The following RPTOR variants were observed in gnomAD, a reference collection of about 807,000 sequenced individuals.
RPTOR encodes the protein regulatory associated protein of MTOR complex 1, also known as regulatory-associated protein of mTOR.
In RPTOR, 21 loss-of-function variants were observed where a neutral mutation model predicts 169.9. The ratio of observed to expected loss-of-function variants is 0.12; its 90% CI spans 0.09 to 0.18. The LOEUF is 0.18. RPTOR is among the 10% of genes least tolerant of loss of function. The pLI is 1.00. For missense variants in RPTOR, 1,133 were observed against 1,855.9 expected, an observed-to-expected ratio of 0.61 and a Z score of 7.16; for synonymous variants, 732 against 753.2, an observed-to-expected ratio of 0.97 and a Z score of 0.46.
chr17:80,683,220 T>G (rs1216315910), intron 3 of RPTOR, among the ~76,000 whole-genome samples: 1 of 152,212 alleles, frequency 6.6e-6, no homozygotes, highest in African/African-American at 2.4e-5. Flanking sequence ...TCCTCAGCTT[T>G]GCTTTCTCAG....
At chr17:80,886,468 C>T (rs1314379587) in intron 17 of RPTOR, among the ~76,000 whole-genome samples, 2 of 152,224 alleles carry the variant, frequency 1.3e-5, no homozygotes, top group African/African-American at 4.8e-5. Context: ...ATTCTTTTTC[C>T]CACATCAACT....
intron 1 of RPTOR, among the ~76,000 whole-genome samples, chr17:80,624,539 G>C (rs7209723): frequency 0.29 from 43,856 of 152,072 alleles, 6,628 homozygotes; most frequent in African/African-American, 0.38. Flanking sequence ...TGTAGTACTA[G>C]TAGAAGTATT....
At chr17:80,849,247 A>C (rs1221388983) in intron 11 of RPTOR, among the ~76,000 whole-genome samples, 2 of 152,198 alleles carry the variant, frequency 1.3e-5, no homozygotes, top group Non-Finnish European at 2.9e-5. Context: ...ACTTAAGGGA[A>C]AGGGAGTTTT....
At chr17:80,628,337 T>C (rs1435217606) in intron 2 of RPTOR, among the ~76,000 whole-genome samples, 5 of 152,222 alleles carry the variant, frequency 3.3e-5, no homozygotes, top group African/African-American at 7.2e-5. Context: ...GCAGTGCTGG[T>C]CTGTAGGCAT....
intron 28 of RPTOR, among the ~76,000 whole-genome samples, chr17:80,956,157 A>T (rs959760912): frequency 6.6e-6 from 1 of 152,200 alleles, no homozygotes; most frequent in African/African-American, 2.4e-5. Context: ...CCCAAGGGAC[A>T]GCCCTCCCAG....
rs187089183 is a variant in RPTOR, at chr17:80,813,790, C to T, written c.891-8411C>T. Among the ~76,000 whole-genome samples the T allele has an allele frequency of 1.6e-4, 25 of 152,310 alleles. No homozygotes were observed. The Middle Eastern group carries it at 0.01, about 63-fold the overall frequency. On this transcript the variant is annotated intron_variant, in intron 7 of 33. Transcript: ENST00000306801. ...CATAGTAGTCATTTAAATTTAAGTG[C>T]GTGTCCTTCTTTAACTGAATTTAAT...
intron 1 of RPTOR, among the ~76,000 whole-genome samples, chr17:80,574,564 T>G (rs2064942883): frequency 6.6e-6 from 1 of 152,204 alleles, no homozygotes; most frequent in African/African-American, 2.4e-5. Flanking sequence ...TAAAGTTGTT[T>G]GTAACATCCT....
At chr17:80,603,419 G>A (rs894452354) in intron 1 of RPTOR, among the ~76,000 whole-genome samples, 14 of 152,188 alleles carry the variant, frequency 9.2e-5, no homozygotes, top group African/African-American at 2.7e-4. Context: ...TTGACCCTGC[G>A]CGCTTTGCAA....
Position 80,959,468 on chromosome 17 carries a change from T to C in RPTOR, c.3478-610T>C, listed in dbSNP as rs1274506935. Among the ~76,000 whole-genome samples, 1 of 152,114 alleles carries C rather than the reference T, an allele frequency of 6.6e-6. No homozygotes were observed. The highest frequency in any genetic ancestry group is 2.4e-5 in the African/African-American group (1 of 41,422). On this transcript the variant is annotated intron_variant, in intron 29 of 33. Coordinates refer to ENST00000306801, the MANE Select transcript of RPTOR (RefSeq NM_020761.3). This position sits in a 1 kb window ranked among gnomAD's most constrained non-coding sequence, Gnocchi z 6.7. ...TCATCCCCACGCCTGTGTTTCCTCC[T>C]GGAGTGCACAACCCAGCACCGCCCA...
Position 80,730,616 on chromosome 17 carries a change from C to T in RPTOR, c.564C>T (p.Ser188=), listed in dbSNP as rs2143204105. The stretch of plus-strand genomic sequence containing the variant: ...ATGACCTGCAGACGTGGATGGGCAG[C>T]CCGTCGATCTTCGTCTACGACTGCT... The part of the protein sequence containing the change: ...SIYDLQTWMG[S]PSIFVYDCSN... The change falls in exon 5 of 34, where the codon AGC becomes AGT. Residue 188 remains serine, a synonymous_variant. Coordinates refer to ENST00000306801, the MANE Select transcript of RPTOR (RefSeq NM_020761.3). The surrounding 1 kb of genome is among the most constrained non-coding windows in gnomAD (Gnocchi z 4.2). 6.2e-7 allele frequency: 1 copy of T among 1,614,124 alleles called. No individual in the cohort carries two copies. Among genetic ancestry groups the T allele is most frequent in the South Asian group, 1.1e-5 (1 of 91,082 alleles).
intron 18 of RPTOR, 144 bp downstream of exon 18, chr17:80,891,981 T>A (rs1183559849): frequency 1.9e-6 from 1 of 539,304 alleles, no homozygotes; most frequent in Non-Finnish European, 3.3e-6. Context: ...TTTTCTCATC[T>A]TTTTAGGCAC....
At chr17:80,691,895 G>A (rs2065995068) in intron 3 of RPTOR, among the ~76,000 whole-genome samples, 1 of 152,182 alleles carries the variant, frequency 6.6e-6, no homozygotes, top group African/African-American at 2.4e-5. Flanking sequence ...TCCTACAGCT[G>A]TATCTGCTTC....
At chr17:80,922,348 G>A (rs1475203492) in intron 21 of RPTOR, among the ~76,000 whole-genome samples, 5 of 152,186 alleles carry the variant, frequency 3.3e-5, no homozygotes, top group Admixed American at 3.3e-4. Flanking sequence ...CAGGCAAGGG[G>A]GAGGACACTG....
In RPTOR at chr17:80,960,790, A is replaced by G; in HGVS notation, c.3605+585A>G. ...GTGCTGTCCATGTCTGGCAGGGGAC[A>G]GGGCACACGCGTGGGCACAGCAGCC... On this transcript the variant is annotated intron_variant, in intron 30 of 33. Transcript: ENST00000306801. This position sits in a 1 kb window ranked among gnomAD's most constrained non-coding sequence, Gnocchi z 4.8. The G allele has an allele frequency of 6.2e-6, 1 of 162,140 alleles. No individual in the cohort carries two copies. The highest frequency in any genetic ancestry group is 2.4e-5 in the African/African-American group (1 of 41,214). 10.0% of individuals were successfully genotyped at this position (162,140 alleles called of 1,614,324 possible).
chr17:80,841,241 G>A (rs62636942), intron 10 of RPTOR, among the ~76,000 whole-genome samples: 2 of 3,310 alleles, frequency 6.0e-4, no homozygotes, highest in Admixed American at 4.2e-3. Context: ...CTCACCGCAC[G>A]GCAGCTCACT....
chr17:80,806,815 A>T (rs1272971464), intron 7 of RPTOR, among the ~76,000 whole-genome samples: 1 of 151,742 alleles, frequency 6.6e-6, no homozygotes, highest in Non-Finnish European at 1.5e-5. Context: ...TCTTTTTTTT[A>T]AATTCTCTTT....
intron 24 of RPTOR, among the ~76,000 whole-genome samples, chr17:80,929,459 CTAAAA>C (rs68014459): frequency 0.2 from 31,123 of 152,036 alleles, 3,228 homozygotes; most frequent in Admixed American, 0.22. Flanking sequence ...TTAAAACAGA[CTAAAA>C]TACCATTTTT....
chr17:80,758,274 T>C (rs2066701051), intron 6 of RPTOR, among the ~76,000 whole-genome samples: 1 of 152,084 alleles, frequency 6.6e-6, no homozygotes, highest in Non-Finnish European at 1.5e-5. Context: ...GAACCATGGC[T>C]AAGGGCCACA....
chr17:80,554,791 AAT>A (rs2084388702), intron 1 of RPTOR, among the ~76,000 whole-genome samples: 1 of 151,948 alleles, frequency 6.6e-6, no homozygotes, highest in African/African-American at 2.4e-5. Context: ...CAACAAAAAA[AAT>A]GAGAATCCAG....
Sources: gnomAD v4.1 joint callset for allele counts (sites outside exome capture counted in the v4.1 genomes callset) on GRCh38, gnomAD v4.1.1 for gene constraint, Gnocchi (gnomAD v3.1) non-coding constraint, MANE v1.5 for transcripts, NCBI Gene and HGNC (gene_info 2026-07-23, HGNC 2026-07-21) for gene names.